HEPACAM2: variants seen among roughly 807,000 people sequenced by gnomAD.
The protein encoded by HEPACAM2 is HEPACAM family member 2.
Under a neutral mutation model 49.6 loss-of-function variants are expected in HEPACAM2, and 49 were observed. That is an observed-to-expected ratio of 0.99 (90% CI 0.78 to 1.25). The LOEUF is 1.25. HEPACAM2 is among the 50% of genes most tolerant of loss of function. The probability of loss-of-function intolerance (pLI) is 0.00; values close to 1 mark genes in which losing one functional copy is unlikely to be tolerated. For missense variants in HEPACAM2, 525 were observed against 557.2 expected (o/e 0.94, Z 0.58); for synonymous variants, 197 against 202.9 (o/e 0.97, Z 0.25).
intron 3 of HEPACAM2, among the ~76,000 whole-genome samples, chr7:93,212,534 A>G (rs77642062): frequency 0.012 from 1,816 of 152,046 alleles, 15 homozygotes; most frequent in Non-Finnish European, 0.019. Flanking sequence ...AGAAAATCCT[A>G]AAATTCAGAG....
rs1410576062 is a variant in HEPACAM2, at chr7:93,192,331, A to G, written c.1308T>C (p.Cys436=). 3 of 1,612,592 alleles carry G rather than the reference A, an allele frequency of 1.9e-6. No individual in the cohort carries two copies. Among genetic ancestry groups the G allele is most frequent in the Non-Finnish European group, 2.5e-6 (3 of 1,179,110 alleles). The change falls in exon 9 of 10, where the codon TGT becomes TGC. Residue 436 remains cysteine (C), a synonymous_variant. Coordinates refer to ENST00000394468, the MANE Select transcript of HEPACAM2 (RefSeq NM_001039372.4). ...TACTGTGCAAATCTTGCCCCGATACACAATCAGAGGCTGGAACAGACCTGC... is the reference window on the plus strand; with the variant it reads ...TACTGTGCAAATCTTGCCCCGATACGCAATCAGAGGCTGGAACAGACCTGC... ...IPSRSVPASD[C]VSGQDLHSTV...
chr7:93,223,813 C>T (rs185553697), intron 1 of HEPACAM2, among the ~76,000 whole-genome samples: 2 of 152,172 alleles, frequency 1.3e-5, no homozygotes, highest in Non-Finnish European at 2.9e-5. Context: ...ATCTCAGCCA[C>T]GTAAAATCTC....
At chr7:93,204,328 AT>A (rs1793971629) in intron 4 of HEPACAM2, among the ~76,000 whole-genome samples, 2 of 28,696 alleles carry the variant, frequency 7.0e-5, no homozygotes, top group Non-Finnish European at 1.6e-4. Context: ...AACATTCTCT[AT>A]CTATCTATCT....
At chr7:93,217,541 A>G (rs569715885) in intron 2 of HEPACAM2, among the ~76,000 whole-genome samples, 1 of 152,086 alleles carries the variant, frequency 6.6e-6, no homozygotes, top group East Asian at 1.9e-4. Flanking sequence ...CTTTTTCCCC[A>G]CAGTTGCTCT....
intron 1 of HEPACAM2, among the ~76,000 whole-genome samples, chr7:93,221,855 T>C (rs934367886): frequency 6.6e-6 from 1 of 152,182 alleles, no homozygotes; most frequent in African/African-American, 2.4e-5. Flanking sequence ...ACTTTGGTGA[T>C]TGGTCCATAA....
In HEPACAM2 at chr7:93,197,622, G is replaced by T; in HGVS notation, c.1013-12C>A. 8.4e-6 allele frequency: 13 copies of T among 1,549,340 alleles called. No homozygotes were observed. The highest frequency in any genetic ancestry group is 1.4e-5 in the African/African-American group (1 of 71,834). ...AAGCTTCTCCAGTCCTAAATAAAAAGATAAACATATTTTTAGCAATAAATT... is the reference window on the plus strand; with the variant it reads ...AAGCTTCTCCAGTCCTAAATAAAAATATAAACATATTTTTAGCAATAAATT... On this transcript the variant is annotated splice_polypyrimidine_tract_variant and intron_variant, in intron 4 of 9. Coordinates refer to ENST00000394468, the MANE Select transcript of HEPACAM2 (RefSeq NM_001039372.4).
At chr7:93,201,769 T>G (rs2040283740) in intron 4 of HEPACAM2, among the ~76,000 whole-genome samples, 1 of 152,056 alleles carries the variant, frequency 6.6e-6, no homozygotes, top group African/African-American at 2.4e-5. Flanking sequence ...TCATCTTAAT[T>G]GTTTGGTGAA....
At chr7:93,212,780 C>T (rs1794207980) in intron 3 of HEPACAM2, among the ~76,000 whole-genome samples, 1 of 151,998 alleles carries the variant, frequency 6.6e-6, no homozygotes, top group Non-Finnish European at 1.5e-5. Context: ...GCTGACCATC[C>T]CTCTACTTGG....
intron 7 of HEPACAM2, among the ~76,000 whole-genome samples, chr7:93,196,464 A>G (rs1055468834): frequency 6.6e-6 from 1 of 152,154 alleles, no homozygotes; most frequent in Non-Finnish European, 1.5e-5. Flanking sequence ...GGCCCTTGCC[A>G]GCTCTGACAT....
At position 93,226,402 on chromosome 7, in the gene HEPACAM2, C is replaced by T. The variant is rs1020136065; in HGVS notation, c.45G>A (p.Gly15=). 1.9e-6 allele frequency: 3 copies of T among 1,613,476 alleles called. No homozygotes were observed. Among genetic ancestry groups the T allele is most frequent in the Non-Finnish European group, 2.5e-6 (3 of 1,179,618 alleles). Residue 15 remains glycine (G), a synonymous_variant, in exon 1 of 10, where the codon GGG becomes GGA. Coordinates refer to ENST00000394468, the MANE Select transcript of HEPACAM2 (RefSeq NM_001039372.4). ...GGAGGTATATTTTGCACTGAAAGACCCCAAGTGTGTCACCGAAGGGCTCCA... is the reference window on the plus strand; with the variant it reads ...GGAGGTATATTTTGCACTGAAAGACTCCAAGTGTGTCACCGAAGGGCTCCA... ...AFMEPFGDTL[G]VFQCKIYLLL... is the part of the protein sequence containing the mutation.
At position 93,189,056 on chromosome 7, in the gene HEPACAM2, GT is replaced by G; in HGVS notation, c.*210del. ...CCACTGAGGAATATTTCCCCAACAT[GT>G]TTTTCTGTTGCACAAGACATTGTGT... On this transcript the variant is annotated 3_prime_UTR_variant, in exon 10 of 10. Transcript: ENST00000394468. 3 of 489,556 alleles carry G rather than the reference GT, an allele frequency of 6.1e-6. No homozygotes were observed. In the South Asian group the frequency reaches 1.1e-4, roughly 18 times the overall value. The allele number at this position is 489,556 out of a possible 1,614,324, so 30.3% of individuals were successfully genotyped here.
At chr7:93,193,645 C>T (rs1323750626) in intron 8 of HEPACAM2, among the ~76,000 whole-genome samples, 1 of 152,074 alleles carries the variant, frequency 6.6e-6, no homozygotes, top group Non-Finnish European at 1.5e-5. Context: ...CGCTATGTTA[C>T]TCAGGTTGGT....
intron 4 of HEPACAM2, among the ~76,000 whole-genome samples, chr7:93,202,058 A>C (rs150968919): frequency 0.011 from 1,652 of 148,022 alleles, 34 homozygotes; most frequent in African/African-American, 0.038. Context: ...AACCACAAAA[A>C]CCAGAAAAAC....
chr7:93,226,979 A>C (rs1038887691), upstream of HEPACAM2, among the ~76,000 whole-genome samples: 1 of 152,200 alleles, frequency 6.6e-6, no homozygotes, highest in Non-Finnish European at 1.5e-5. Context: ...ATATATTTAA[A>C]ACGTATTTTT....
chr7:93,223,155 TGTCATTTG>T (rs1207672287), intron 1 of HEPACAM2, among the ~76,000 whole-genome samples: 1 of 152,208 alleles, frequency 6.6e-6, no homozygotes. Context: ...ATTTTGTGCT[TGTCATTTG>T]GGAAAGCCAT....
chr7:93,203,813 A>G (rs139003421), intron 4 of HEPACAM2, among the ~76,000 whole-genome samples: 162 of 152,178 alleles, frequency 1.1e-3, no homozygotes, highest in African/African-American at 3.7e-3. Context: ...TCTCTCATCC[A>G]ATCTGTTCAC....
intron 1 of HEPACAM2, among the ~76,000 whole-genome samples, chr7:93,220,773 C>T (rs1209077139): frequency 2.0e-5 from 3 of 152,088 alleles, no homozygotes; most frequent in Non-Finnish European, 2.9e-5. Context: ...GAGATTTCCC[C>T]GTCTTACCTT....
intron 3 of HEPACAM2, among the ~76,000 whole-genome samples, chr7:93,211,051 A>G (rs1051270982): frequency 6.6e-6 from 1 of 152,050 alleles, no homozygotes. Context: ...GCAGATTCCC[A>G]GAGTGGTTCT....
chr7:93,212,973 C>T (rs1381145999), intron 3 of HEPACAM2, among the ~76,000 whole-genome samples: 1 of 152,034 alleles, frequency 6.6e-6, no homozygotes, highest in Non-Finnish European at 1.5e-5. Flanking sequence ...GAACCCTTTG[C>T]CTTGGGGATG....
Sources: gnomAD v4.1 joint callset for allele counts (sites outside exome capture counted in the v4.1 genomes callset) on GRCh38, gnomAD v4.1.1 for gene constraint, MANE v1.5 for transcripts, NCBI Gene and HGNC (gene_info 2026-07-23, HGNC 2026-07-21) for gene names.